Variants in CNTN5 observed in about 807,000 individuals in gnomAD.
CNTN5 encodes the protein contactin 5.
In CNTN5, 77 loss-of-function variants were observed where a neutral mutation model predicts 129.1. The ratio of observed to expected loss-of-function variants is 0.60; its 90% CI spans 0.50 to 0.72. The LOEUF is 0.72. Ranked by LOEUF, CNTN5 falls within the 30% of genes least tolerant of loss-of-function variation. The pLI, the probability that CNTN5 is intolerant of heterozygous loss-of-function variation, is 0.00. For synonymous variants in CNTN5, 509 were observed against 465.6 expected, an observed-to-expected ratio of 1.09 and a Z score of -1.20; for missense variants, 1,478 against 1,328.8, an observed-to-expected ratio of 1.11 and a Z score of -1.75.
intron 3 of CNTN5, among the ~76,000 whole-genome samples, chr11:99,575,191 C>A (rs1190573413): frequency 6.6e-6 from 1 of 152,088 alleles, no homozygotes; most frequent in East Asian, 1.9e-4. Context: ...TGGTGTTAGA[C>A]GTGTCTATAT....
At chr11:100,140,944 T>G (rs1206224077) in intron 13 of CNTN5, among the ~76,000 whole-genome samples, 1 of 152,142 alleles carries the variant, frequency 6.6e-6, no homozygotes, top group Non-Finnish European at 1.5e-5. Context: ...CCCCCATCCT[T>G]CAGCTGCCAT....
intron 1 of CNTN5, among the ~76,000 whole-genome samples, chr11:99,034,482 C>T (rs1863595889): frequency 6.6e-6 from 1 of 151,594 alleles, no homozygotes; most frequent in Non-Finnish European, 1.5e-5. Flanking sequence ...TCAACTTCTT[C>T]CTGGTTTAGT....
At chr11:99,862,976 C>A (rs1948254224) in intron 6 of CNTN5, among the ~76,000 whole-genome samples, 1 of 151,996 alleles carries the variant, frequency 6.6e-6, no homozygotes, top group Non-Finnish European at 1.5e-5. Flanking sequence ...GCTTTGATTA[C>A]ACTAAAAAGT....
At chr11:99,381,869 A>C (rs1383469327) in intron 2 of CNTN5, among the ~76,000 whole-genome samples, 1 of 152,160 alleles carries the variant, frequency 6.6e-6, no homozygotes, top group Non-Finnish European at 1.5e-5. Flanking sequence ...GGGCAGAAGA[A>C]GGGACTAAAC....
chr11:99,081,176 A>G (rs1224669763), intron 1 of CNTN5, among the ~76,000 whole-genome samples: 1 of 152,114 alleles, frequency 6.6e-6, no homozygotes, highest in African/African-American at 2.4e-5. Context: ...TACTCCAACA[A>G]TGTTCTTCCT....
chr11:100,213,750 G>A (rs1336879211), intron 15 of CNTN5, among the ~76,000 whole-genome samples: 1 of 152,090 alleles, frequency 6.6e-6, no homozygotes, highest in South Asian at 2.1e-4. Context: ...TGTAAGCATT[G>A]CTTTGAATAG....
At chr11:99,504,327 G>C (rs1489631555) in intron 2 of CNTN5, among the ~76,000 whole-genome samples, 1 of 152,092 alleles carries the variant, frequency 6.6e-6, no homozygotes, top group African/African-American at 2.4e-5. Flanking sequence ...CACATCATGA[G>C]GGCAGGAGAT....
intron 7 of CNTN5, among the ~76,000 whole-genome samples, chr11:99,947,175 A>G (rs530611140): frequency 2.0e-4 from 30 of 151,916 alleles, no homozygotes; most frequent in Admixed American, 3.9e-4. Flanking sequence ...TTTTTGTACT[A>G]TTTATATTAC....
rs747782444 is a variant in CNTN5 at position 100,224,762 on chromosome 11, T to C, written c.1955T>C (p.Val652Ala). The C allele has an allele frequency of 6.2e-7, 1 of 1,613,096 alleles. No individual in the cohort carries two copies. The highest frequency in any genetic ancestry group is 2.2e-5 in the East Asian group (1 of 44,856). Residue 652 changes from valine to alanine, a missense_variant, in exon 16 of 25, where the codon GTA becomes GCA. By Grantham distance (64) the Val-to-Ala change is moderately conservative. Transcript: ENST00000524871. ...LMHAGRYGCR[V>A]QTTADSVSDE... Reference sequence around the variant, plus strand: ...CATGCTGGGAGATATGGCTGCAGGGTACAGACCACAGCAGACAGTGTGTCA... The same window carrying C: ...CATGCTGGGAGATATGGCTGCAGGGCACAGACCACAGCAGACAGTGTGTCA...
intron 3 of CNTN5, among the ~76,000 whole-genome samples, chr11:99,753,873 A>T (rs1336891099): frequency 6.6e-6 from 1 of 151,354 alleles, no homozygotes; most frequent in East Asian, 1.9e-4. Context: ...TTTTTAGTAG[A>T]AATGGGGTTT....
intron 7 of CNTN5, among the ~76,000 whole-genome samples, chr11:99,919,795 C>G (rs1158549640): frequency 7.3e-6 from 1 of 137,662 alleles, no homozygotes; most frequent in Non-Finnish European, 1.6e-5. Flanking sequence ...TTTGACTTTT[C>G]TAGAATATTT....
Position 99,865,092 on chromosome 11 carries a change from C to T in CNTN5, c.577+19830C>T, listed in dbSNP as rs570391104. On this transcript the variant is annotated intron_variant, in intron 6 of 24. Coordinates refer to ENST00000524871, the MANE Select transcript of CNTN5 (RefSeq NM_014361.4). ...TGACAGGTACTGGAGTAAGCATCTT[C>T]CATCTCTTTGTCTTGAGACCTTGTA... 4.1e-4 allele frequency among the ~76,000 whole-genome samples: 63 copies of T among 152,272 alleles called. No individual in the cohort carries two copies. In the South Asian group the frequency reaches 0.012, roughly 30 times the overall value.
chr11:99,736,021 T>G (rs1300866939), intron 3 of CNTN5, among the ~76,000 whole-genome samples: 1 of 152,030 alleles, frequency 6.6e-6, no homozygotes, highest in African/African-American at 2.4e-5. Flanking sequence ...TTCTCTTTTT[T>G]TTCTCTCTTT....
chr11:99,367,493 G>C (rs1386639037), intron 2 of CNTN5, among the ~76,000 whole-genome samples: 1 of 152,194 alleles, frequency 6.6e-6, no homozygotes. Flanking sequence ...ATTTATTTTT[G>C]TGTGTAGGGA....
chr11:99,405,550 T>C (rs1369054915), intron 2 of CNTN5, among the ~76,000 whole-genome samples: 1 of 151,742 alleles, frequency 6.6e-6, no homozygotes, highest in Non-Finnish European at 1.5e-5. Context: ...TTCTGCTTGA[T>C]TTTTAAAAAT....
At chr11:99,933,374 T>A (rs2136083087) in intron 7 of CNTN5, among the ~76,000 whole-genome samples, 1 of 152,282 alleles carries the variant, frequency 6.6e-6, no homozygotes, top group South Asian at 2.1e-4. Flanking sequence ...ATAATGAACA[T>A]CAGCAACTTT....
intron 3 of CNTN5, among the ~76,000 whole-genome samples, chr11:99,671,330 A>G (rs1326734331): frequency 3.3e-5 from 5 of 152,088 alleles, no homozygotes; most frequent in Non-Finnish European, 7.4e-5. Context: ...AATATTTACG[A>G]CAAAAAGAAT....
intron 3 of CNTN5, among the ~76,000 whole-genome samples, chr11:99,630,970 A>G (rs1951326716): frequency 6.6e-6 from 1 of 152,150 alleles, no homozygotes; most frequent in African/African-American, 2.4e-5. Flanking sequence ...TATTAAATCT[A>G]AAGGCGTTTA....
intron 4 of CNTN5, among the ~76,000 whole-genome samples, chr11:99,825,527 T>C (rs1197808499): frequency 2.0e-5 from 3 of 152,108 alleles, no homozygotes; most frequent in Non-Finnish European, 4.4e-5. Flanking sequence ...TAATTTCTTA[T>C]AATTTTTCTC....
Sources: gnomAD v4.1 joint callset for allele counts (sites outside exome capture counted in the v4.1 genomes callset) on GRCh38, gnomAD v4.1.1 for gene constraint, MANE v1.5 for transcripts, NCBI Gene and HGNC (gene_info 2026-07-23, HGNC 2026-07-21) for gene names.